PCDHGB7: variants seen among roughly 807,000 people sequenced by gnomAD.
PCDHGB7 encodes the protein protocadherin gamma subfamily B, 7.
PCDHGB7 carries 37 observed loss-of-function variants against 61.4 expected under a neutral mutation model. That is an observed-to-expected ratio of 0.60 (90% confidence interval 0.46 to 0.79). The LOEUF (loss-of-function observed/expected upper bound fraction) is 0.79, where lower values mean the gene tolerates loss of function less well. Among genes scored for constraint, PCDHGB7 ranks in the 30% least tolerant of loss-of-function variants. PCDHGB7 has a pLI of 0.00. For synonymous variants in PCDHGB7, 464 were observed against 503.5 expected (o/e 0.92, Z 1.05); for missense variants, 1,166 against 1,202.5 (o/e 0.97, Z 0.45).
chr5:141,477,258 C>A lies in PCDHGB7; in HGVS notation c.2416-17549C>A. ...TTGCTCAGTGTGACTGACCTGGATG[C>A]TGGCGAGAACGGGCTGGTGACCTGC... On this transcript the variant is annotated intron_variant, in intron 1 of 3. Coordinates refer to ENST00000398594, the MANE Select transcript of PCDHGB7 (RefSeq NM_018927.4). The surrounding 1 kb of genome is among the most constrained non-coding windows in gnomAD (Gnocchi z 4.9). 6.2e-7 allele frequency: 1 copy of A among 1,614,208 alleles called. No homozygotes were observed. Among genetic ancestry groups the A allele is most frequent in the Non-Finnish European group, 8.5e-7 (1 of 1,180,042 alleles).
intron 1 of PCDHGB7, chr5:141,420,931 AATC>A: frequency 2.7e-6 from 1 of 369,128 alleles, no homozygotes; most frequent in African/African-American, 2.1e-5. Context: ...AGGTGAGCGT[AATC>A]ATTTCTTCTG....
intron 1 of PCDHGB7, chr5:141,422,035 C>A: frequency 6.2e-7 from 1 of 1,611,086 alleles, no homozygotes; most frequent in South Asian, 1.1e-5. Flanking sequence ...TGCAACGGAT[C>A]CAGACGAGGG....
At chr5:141,447,834 C>T (rs2098552835) in intron 1 of PCDHGB7, among the ~76,000 whole-genome samples, 1 of 151,844 alleles carries the variant, frequency 6.6e-6, no homozygotes, top group African/African-American at 2.4e-5. Flanking sequence ...GCCTGTAATC[C>T]CAGTGCTTTG....
chr5:141,432,088 AGACACCAAC>A lies in PCDHGB7; in HGVS notation c.2415+11819_2415+11827del, dbSNP rs1561857611. 6.2e-7 allele frequency: 1 copy of A among 1,614,148 alleles called. No individual in the cohort carries two copies. Among genetic ancestry groups the A allele is most frequent in the Admixed American group, 1.7e-5 (1 of 60,024 alleles). ...AAACTCATATCTCGCTGAACGTGGC[AGACACCAAC>A]GACAACCCGCCGGTCTTCCCTCAGG... is the stretch of plus-strand genomic sequence containing the variant. On this transcript the variant is annotated intron_variant, in intron 1 of 3. Transcript: ENST00000398594. This position sits in a 1 kb window ranked among gnomAD's most constrained non-coding sequence, Gnocchi z 6.0.
At chr5:141,422,684 C>T (rs2096664410) in intron 1 of PCDHGB7, 1 of 1,604,876 alleles carries the variant, frequency 6.2e-7, no homozygotes, top group Admixed American at 1.7e-5. Flanking sequence ...AAACAGAATG[C>T]CCTGGTCACT....
At chr5:141,502,494 A>G (rs928571740) in intron 2 of PCDHGB7, among the ~76,000 whole-genome samples, 2 of 152,180 alleles carry the variant, frequency 1.3e-5, no homozygotes, top group South Asian at 2.1e-4. Context: ...GGACTCATCT[A>G]ACGTCGGCCT....
chr5:141,450,565 C>A (rs1024229182), intron 1 of PCDHGB7, among the ~76,000 whole-genome samples: 4 of 152,016 alleles, frequency 2.6e-5, no homozygotes, highest in African/African-American at 9.7e-5. Flanking sequence ...CGGCTCACTG[C>A]AACTTCTGCC....
At chr5:141,505,081 G>A (rs2099843521) in intron 2 of PCDHGB7, among the ~76,000 whole-genome samples, 3 of 152,146 alleles carry the variant, frequency 2.0e-5, no homozygotes, top group Admixed American at 2.0e-4. Flanking sequence ...AGAATCGCTT[G>A]AACCCAGGAG....
intron 1 of PCDHGB7, among the ~76,000 whole-genome samples, chr5:141,480,689 C>A (rs1266042791): frequency 6.6e-6 from 1 of 152,126 alleles, no homozygotes; most frequent in Non-Finnish European, 1.5e-5. Flanking sequence ...AATTCTGAAA[C>A]CCAGGCCACA....
In PCDHGB7 at chr5:141,485,244, T is replaced by C; in HGVS notation, c.2416-9563T>C. ...ACCCTTTTGTTCCTCTTTTACCACC[T>C]GGGTTACGTTTGTGGGCAGATCCGC... On this transcript the variant is annotated intron_variant, in intron 1 of 3. Transcript: ENST00000398594. This position sits in a 1 kb window ranked among gnomAD's most constrained non-coding sequence, Gnocchi z 5.7. 1 of 1,614,168 alleles carries C rather than the reference T, an allele frequency of 6.2e-7. No individual in the cohort carries two copies. Among genetic ancestry groups the C allele is most frequent in the Admixed American group, 1.7e-5 (1 of 60,016 alleles).
Position 141,476,242 on chromosome 5 carries a change from G to T in PCDHGB7, c.2416-18565G>T. ...ACTATGAGATCCCGGAGGAAAGAGA[G>T]AAGGGTTTCGCTGTGGGCAACGTGG... is the stretch of plus-strand genomic sequence containing the variant. On this transcript the variant is annotated intron_variant, in intron 1 of 3. Coordinates refer to ENST00000398594, the MANE Select transcript of PCDHGB7 (RefSeq NM_018927.4). The surrounding 1 kb of genome is among the most constrained non-coding windows in gnomAD (Gnocchi z 7.6). 6.2e-7 allele frequency: 1 copy of T among 1,614,100 alleles called. No individual in the cohort carries two copies.
intron 1 of PCDHGB7, chr5:141,428,361 C>T (rs1285334430): frequency 9.0e-6 from 5 of 556,646 alleles, no homozygotes; most frequent in South Asian, 7.5e-5. Context: ...TTTTGGCGGT[C>T]GCCTTGCACC....
intron 1 of PCDHGB7, chr5:141,423,750 TGGGGGG>T: frequency 3.5e-6 from 1 of 287,482 alleles, no homozygotes; most frequent in Non-Finnish European, 4.5e-6. Flanking sequence ...GAAAACTGTT[TGGGGGG>T]GGGGTGGGGC....
At chr5:141,482,841 G>A (rs1401298303) in intron 1 of PCDHGB7, among the ~76,000 whole-genome samples, 1 of 139,444 alleles carries the variant, frequency 7.2e-6, no homozygotes, top group Non-Finnish European at 1.5e-5. Flanking sequence ...GGAGGCCAAG[G>A]TGGGCAGATC....
intron 1 of PCDHGB7, among the ~76,000 whole-genome samples, chr5:141,470,737 G>A (rs117064561): frequency 6.6e-6 from 1 of 152,016 alleles, no homozygotes; most frequent in African/African-American, 2.4e-5. Flanking sequence ...TTGCTCTGTC[G>A]CCCTGGCTGG....
rs774630488 is a variant in PCDHGB7 at position 141,490,640 on chromosome 5, G to A, written c.2416-4167G>A. On this transcript the variant is annotated intron_variant, in intron 1 of 3. Transcript: ENST00000398594. The surrounding 1 kb of genome is among the most constrained non-coding windows in gnomAD (Gnocchi z 5.4). Reference sequence around the variant, plus strand: ...TACACTGCTTACATCCTAGAAAACCGGCCTCCGGGCTCCCTTCTTTGCACT... The same window carrying A: ...TACACTGCTTACATCCTAGAAAACCAGCCTCCGGGCTCCCTTCTTTGCACT... 2.6e-5 allele frequency: 42 copies of A among 1,614,004 alleles called. No individual in the cohort carries two copies. The highest frequency in any genetic ancestry group is 1.6e-4 in the Middle Eastern group (1 of 6,084).
chr5:141,431,460 A>T lies in PCDHGB7; in HGVS notation c.2415+11186A>T, dbSNP rs761879594. On this transcript the variant is annotated intron_variant, in intron 1 of 3. Transcript: ENST00000398594. This position sits in a 1 kb window ranked among gnomAD's most constrained non-coding sequence, Gnocchi z 4.8. The stretch of plus-strand genomic sequence containing the variant: ...GCGCGCATCCGCGTGATGGTTCTGG[A>T]TGCGAACGACAACGCACCAGCGTTT... The T allele has an allele frequency of 6.2e-7, 1 of 1,613,794 alleles. No individual in the cohort carries two copies. The highest frequency in any genetic ancestry group is 1.7e-5 in the Admixed American group (1 of 60,032).
chr5:141,467,990 A>G (rs1593103654), intron 1 of PCDHGB7, among the ~76,000 whole-genome samples: 2 of 152,052 alleles, frequency 1.3e-5, no homozygotes, highest in South Asian at 2.1e-4. Context: ...GAAAACCACA[A>G]TTCTTTCTTC....
intron 3 of PCDHGB7, among the ~76,000 whole-genome samples, chr5:141,509,532 A>C (rs2099877210): frequency 6.6e-6 from 1 of 152,124 alleles, no homozygotes; most frequent in African/African-American, 2.4e-5. Flanking sequence ...GCACAGGATG[A>C]AGCACCATCT....
Sources: allele counts gnomAD v4.1 joint callset (sites outside exome capture counted in the v4.1 genomes callset), GRCh38; gene constraint gnomAD v4.1.1; non-coding constraint Gnocchi (gnomAD v3.1); transcripts MANE v1.5; gene names NCBI Gene and HGNC (gene_info 2026-07-23, HGNC 2026-07-21).